KCNT1: variants seen among roughly 807,000 people sequenced by gnomAD.
KCNT1 encodes potassium sodium-activated channel subfamily T member 1, also known as potassium channel subfamily T member 1.
A neutral mutation model predicts 147.8 loss-of-function variants in KCNT1; 78 were observed. The observed-to-expected ratio is 0.53, with a 90% CI of 0.44 to 0.64. The LOEUF (loss-of-function observed/expected upper bound fraction) is 0.64, where lower values mean the gene tolerates loss of function less well. Among genes scored for constraint, KCNT1 ranks in the 30% least tolerant of loss-of-function variants. The pLI is 0.00. For missense variants in KCNT1, 1,419 were observed against 1,750.3 expected (o/e 0.81, Z 3.38); for synonymous variants, 867 against 748.8 (o/e 1.16, Z -2.58).
intron 2 of KCNT1, chr9:135,742,625 C>G: frequency 4.6e-6 from 3 of 653,712 alleles, no homozygotes; most frequent in Non-Finnish European, 8.4e-6. Flanking sequence ...AGCCTCCCTG[C>G]GTGTCTGTGC....
At chr9:135,732,024 A>AGAGAGAGAGAGAGAGAGG (rs1554766182) in intron 2 of KCNT1, among the ~76,000 whole-genome samples, 1,212 of 64,730 alleles carry the variant, frequency 0.019, 96 homozygotes, top group East Asian at 0.026. Flanking sequence ...AGAGAGAGAG[A>AGAGAGAGAGAGAGAGAGG]GAGAGAGAGA....
chr9:135,767,240 C>T (rs947752764), intron 13 of KCNT1, among the ~76,000 whole-genome samples: 36 of 152,168 alleles, frequency 2.4e-4, no homozygotes, highest in African/African-American at 8.2e-4. Flanking sequence ...CCAGCACACA[C>T]AGGCGATGCA....
Position 135,777,501 on chromosome 9 carries a change from T to C in KCNT1, c.2513T>C (p.Leu838Pro). Residue 838 changes from leucine to proline, a missense_variant, in exon 21 of 31, where the codon CTG becomes CCG. This residue lies in a region of KCNT1 where 247 missense variants were observed against 397.1 expected (regional missense o/e 0.62). Transcript: ENST00000371757. ...GAGCTGAACCCCATCGTGCTGCTGCTGGACAACAAGTGAGGCTCCTGGGGC... is the reference window on the plus strand; with the variant it reads ...GAGCTGAACCCCATCGTGCTGCTGCCGGACAACAAGTGAGGCTCCTGGGGC... ...RKELNPIVLLLDNKPDHHFLE... is the reference protein window; with the variant it reads ...RKELNPIVLLPDNKPDHHFLE... The C allele has an allele frequency of 5.6e-6, 9 of 1,613,520 alleles. No individual in the cohort carries two copies. The highest frequency in any genetic ancestry group is 6.8e-6 in the Non-Finnish European group (8 of 1,179,830).
At chr9:135,713,518 G>C (rs1432959154) in intron 1 of KCNT1, among the ~76,000 whole-genome samples, 1 of 152,186 alleles carries the variant, frequency 6.6e-6, no homozygotes, top group Admixed American at 6.5e-5. Context: ...TGAGGAGAGA[G>C]AGGAGAGTTT....
Position 135,714,435 on chromosome 9 carries a change from G to A in KCNT1, c.111-142G>A, listed in dbSNP as rs924843238. 76 of 330,524 alleles carry A rather than the reference G, an allele frequency of 2.3e-4. No homozygotes were observed. Among genetic ancestry groups the A allele is most frequent in the Middle Eastern group, 1.6e-3 (1 of 608 alleles). 20.5% of individuals were successfully genotyped at this position (330,524 alleles called of 1,614,324 possible). A position where few individuals can be genotyped will look rare whatever the true frequency, so the allele number is the denominator to read the frequency against. On this transcript the variant is annotated intron_variant, in intron 1 of 30. Transcript: ENST00000371757. This position sits in a 1 kb window ranked among gnomAD's most constrained non-coding sequence, Gnocchi z 6.2. ...CCCGCCCGCATGTGCCGCCAGGCCC[G>A]CCCCCGCCCGGCCGCCCGCCCGCCC...
intron 2 of KCNT1, among the ~76,000 whole-genome samples, chr9:135,718,864 G>A (rs1399764451): frequency 6.6e-6 from 1 of 152,206 alleles, no homozygotes; most frequent in Non-Finnish European, 1.5e-5. Context: ...GAAGAGCTCG[G>A]CGGGCCATGT....
At chr9:135,775,780 T>A (rs1483018370) in intron 20 of KCNT1, among the ~76,000 whole-genome samples, 1 of 152,172 alleles carries the variant, frequency 6.6e-6, no homozygotes, top group African/African-American at 2.4e-5. Flanking sequence ...CGGCCCGGCA[T>A]GGGTGTCTGA....
intron 2 of KCNT1, among the ~76,000 whole-genome samples, chr9:135,727,047 CT>C (rs1227090516): frequency 3.4e-5 from 1 of 29,694 alleles, no homozygotes; most frequent in Non-Finnish European, 7.3e-5. Flanking sequence ...TTCTCTCTCT[CT>C]CTCCCTCTCT....
At position 135,704,173 on chromosome 9, in the gene KCNT1, G is replaced by A. The variant is rs1055020968; in HGVS notation, c.110+1805G>A. Reference sequence around the variant, plus strand: ...CCACCAGCTCTCACATGGGGAGGAGGGTGCCAGGCAACAGCGTGGTCAGAA... The same window carrying A: ...CCACCAGCTCTCACATGGGGAGGAGAGTGCCAGGCAACAGCGTGGTCAGAA... On this transcript the variant is annotated intron_variant, in intron 1 of 30. Coordinates refer to ENST00000371757, the MANE Select transcript of KCNT1 (RefSeq NM_020822.3). Among the ~76,000 whole-genome samples, 8 of 152,342 alleles carry A rather than the reference G, an allele frequency of 5.3e-5. No individual in the cohort carries two copies. The East Asian group carries it at 9.7e-4, about 18-fold the overall frequency.
chr9:135,731,989 TATAGAGAGAGAGAGAG>T (rs1249889260), intron 2 of KCNT1, among the ~76,000 whole-genome samples: 14 of 18,648 alleles, frequency 7.5e-4, no homozygotes, highest in African/African-American at 2.4e-3. Context: ...TATATATATA[TATAGAGAGAGAGAGAG>T]AGAGAGAGAG....
chr9:135,702,783 A>C (rs1835084241), intron 1 of KCNT1, among the ~76,000 whole-genome samples: 2 of 151,988 alleles, frequency 1.3e-5, no homozygotes, highest in African/African-American at 4.8e-5. Flanking sequence ...GTGCTCGGCC[A>C]GGGTGGGGTG....
At position 135,786,408 on chromosome 9, in the gene KCNT1, C is replaced by T. The variant is rs370572162; in HGVS notation, c.3389C>T (p.Ala1130Val). ...APKQAGRAAA[A>V]EWISQQRLSL... The stretch of plus-strand genomic sequence containing the variant: ...AAGCAGGCAGGCCGGGCGGCGGCCG[C>T]GGAGTGGATCAGCCAGCAGCGCCTC... The change falls in exon 29 of 31, where the codon GCG becomes GTG. Residue 1130 changes from alanine to valine, a missense_variant. By Grantham distance (64) the Ala-to-Val change is moderately conservative. Transcript: ENST00000371757. 1.5e-5 allele frequency: 23 copies of T among 1,577,918 alleles called. No individual in the cohort carries two copies. The highest frequency in any genetic ancestry group is 3.9e-4 in the Middle Eastern group (2 of 5,092).
chr9:135,767,678 G>A (rs894862875), intron 13 of KCNT1, among the ~76,000 whole-genome samples: 16 of 152,128 alleles, frequency 1.1e-4, no homozygotes, highest in East Asian at 1.9e-4. Flanking sequence ...GGTCTCCACC[G>A]GGCCTGCTCC....
At chr9:135,703,293 G>C (rs1835110620) in intron 1 of KCNT1, 2 of 152,644 alleles carry the variant, frequency 1.3e-5, no homozygotes, top group East Asian at 1.9e-4. Flanking sequence ...CCTGAGGCCA[G>C]AGAAGGGGGT....
At chr9:135,774,627 A>ATG (rs902909613) in intron 19 of KCNT1, among the ~76,000 whole-genome samples, 6 of 131,340 alleles carry the variant, frequency 4.6e-5, no homozygotes, top group Admixed American at 3.0e-4. Flanking sequence ...TTGTGTGTCG[A>ATG]TGTGTGTGTT....
In KCNT1 at chr9:135,770,408, G is replaced by A; in HGVS notation, c.1730G>A (p.Gly577Asp). The A allele has an allele frequency of 6.2e-7, 1 of 1,613,130 alleles. No individual in the cohort carries two copies. The highest frequency in any genetic ancestry group is 8.5e-7 in the Non-Finnish European group (1 of 1,179,706). ...AGCAAGTTCTTCCGCGAGTACGAGG[G>A]CAAGAGCTTCACCTACGCGGCCTTC... is the stretch of plus-strand genomic sequence containing the variant. ...GDSKFFREYE[G>D]KSFTYAAFHA... The change falls in exon 17 of 31, where the codon GGC (glycine) becomes GAC (aspartate). Residue 577 changes from glycine to aspartate, a missense_variant. By Grantham distance (94) the Gly-to-Asp change is moderately conservative. Around this residue, in one of 5 missense-constraint regions of KCNT1, gnomAD observed 284 missense variants for 292.8 expected, o/e 0.97. Coordinates refer to ENST00000371757, the MANE Select transcript of KCNT1 (RefSeq NM_020822.3).
chr9:135,718,086 G>A (rs1378899053), intron 2 of KCNT1, among the ~76,000 whole-genome samples: 1 of 152,218 alleles, frequency 6.6e-6, no homozygotes, highest in Non-Finnish European at 1.5e-5. Flanking sequence ...CAGCCGCTTG[G>A]AGGACCCTCC....
intron 1 of KCNT1, among the ~76,000 whole-genome samples, chr9:135,710,804 C>T (rs923900360): frequency 3.3e-5 from 5 of 152,174 alleles, no homozygotes; most frequent in East Asian, 3.8e-4. Flanking sequence ...AATAGTGATG[C>T]GCTCTTGATT....
chr9:135,782,962 G>C (rs1833720827), intron 24 of KCNT1, among the ~76,000 whole-genome samples: 1 of 152,224 alleles, frequency 6.6e-6, no homozygotes, highest in Admixed American at 6.5e-5. Context: ...AGGAAAAGGG[G>C]CTTCTGCCTG....
Sources: gnomAD v4.1 joint callset for allele counts (sites outside exome capture counted in the v4.1 genomes callset) on GRCh38, gnomAD v4.1.1 for gene constraint, gnomAD v4.1.1 regional missense constraint, Gnocchi (gnomAD v3.1) non-coding constraint, MANE v1.5 for transcripts, NCBI Gene and HGNC (gene_info 2026-07-23, HGNC 2026-07-21) for gene names.